NLRP5: variants seen among roughly 807,000 people sequenced by gnomAD.
The protein encoded by NLRP5 is NACHT, LRR and PYD domains-containing protein 5.
A neutral mutation model predicts 113.1 loss-of-function variants in NLRP5; 93 were observed. The observed-to-expected ratio is 0.82, with a 90% CI of 0.70 to 0.98. NLRP5 has a LOEUF of 0.98. Ranked by LOEUF, NLRP5 falls within the 50% of genes least tolerant of loss-of-function variation. NLRP5 has a pLI of 0.00. For synonymous variants in NLRP5, 751 were observed against 600.7 expected (o/e 1.25, Z -3.66); for missense variants, 1,808 against 1,514.3 (o/e 1.19, Z -3.22).
chr19:56,055,866 C>T (rs74258040), intron 13 of NLRP5, among the ~76,000 whole-genome samples: 13,307 of 152,036 alleles, frequency 0.088, 676 homozygotes, highest in East Asian at 0.19. Flanking sequence ...CTTCTAAATG[C>T]AGTGTCTCCC....
At chr19:56,013,444 A>C (rs1283816855) in intron 3 of NLRP5, among the ~76,000 whole-genome samples, 1 of 151,952 alleles carries the variant, frequency 6.6e-6, no homozygotes, top group East Asian at 1.9e-4. Flanking sequence ...TGCCCACCTC[A>C]GCCTCCCAAA....
At chr19:56,015,344 G>A (rs1039745120) in intron 3 of NLRP5, among the ~76,000 whole-genome samples, 8 of 152,054 alleles carry the variant, frequency 5.3e-5, no homozygotes, top group Non-Finnish European at 8.8e-5. Context: ...ACAGGCACAC[G>A]CCACCATGCC....
chr19:56,056,105 A>T (rs1443743791), intron 13 of NLRP5, among the ~76,000 whole-genome samples: 1 of 152,176 alleles, frequency 6.6e-6, no homozygotes, highest in Non-Finnish European at 1.5e-5. Context: ...ACAACAATTC[A>T]TTCCCTGGAG....
intron 11 of NLRP5, among the ~76,000 whole-genome samples, chr19:56,048,216 T>A (rs1354556760): frequency 6.6e-6 from 1 of 152,212 alleles, no homozygotes; most frequent in Non-Finnish European, 1.5e-5. Flanking sequence ...ACATTCAGTG[T>A]TAGGATGGAG....
At chr19:56,035,834 A>G (rs1983289984) in intron 9 of NLRP5, among the ~76,000 whole-genome samples, 1 of 152,090 alleles carries the variant, frequency 6.6e-6, no homozygotes, top group African/African-American at 2.4e-5. Flanking sequence ...ACATTGGAAG[A>G]TGGATTGGGC....
In NLRP5 at chr19:56,030,369, C is replaced by CA. The variant is rs543153122; in HGVS notation, c.2276+1872dup. On this transcript the variant is annotated intron_variant, in intron 7 of 14. Coordinates refer to ENST00000390649, the MANE Select transcript of NLRP5 (RefSeq NM_153447.4). ...TGGGTGACAGAGTGAGACTCTATCT[C>CA]AAAAAAAAAAAATTCTCACATGGAA... Among the ~76,000 whole-genome samples the CA allele has an allele frequency of 3.6e-3, 529 of 145,334 alleles. 1 individual carries two copies. The highest frequency in any genetic ancestry group is 0.016 in the South Asian group (75 of 4,600).
At chr19:56,011,602 A>G (rs28711142) in intron 3 of NLRP5, among the ~76,000 whole-genome samples, 135,822 of 152,104 alleles carry the variant, frequency 0.89, 61,182 homozygotes, top group East Asian at 0.97. Context: ...ATTTGCCCAA[A>G]GAAGATCAGC....
intron 4 of NLRP5, among the ~76,000 whole-genome samples, chr19:56,017,793 C>A (rs556238886): frequency 6.6e-6 from 1 of 152,244 alleles, no homozygotes; most frequent in South Asian, 2.1e-4. Flanking sequence ...TCACTATGTG[C>A]CTGGTCGTTT....
In NLRP5 at chr19:56,011,288, C is replaced by T. The variant is rs556960699; in HGVS notation, c.508+2435C>T. ...TCCATTCATATAAAATGTCTAGAAT[C>T]GGCAAATCCATTTAAATACTAGATT... is the stretch of plus-strand genomic sequence containing the variant. On this transcript the variant is annotated intron_variant, in intron 3 of 14. Coordinates refer to ENST00000390649, the MANE Select transcript of NLRP5 (RefSeq NM_153447.4). Among the ~76,000 whole-genome samples, 25 of 151,998 alleles carry T rather than the reference C, an allele frequency of 1.6e-4. No homozygotes were observed. The South Asian group carries it at 3.7e-3, about 23-fold the overall frequency.
At chr19:56,010,756 G>A (rs1460214998) in intron 3 of NLRP5, among the ~76,000 whole-genome samples, 437 of 9,270 alleles carry the variant, frequency 0.047, 2 homozygotes, top group Non-Finnish European at 0.065. Flanking sequence ...AAAAAAAAAA[G>A]TCCCTTGAAA....
intron 7 of NLRP5, 75 bp from the exon 8 acceptor site, chr19:56,032,536 C>T (rs778599882): frequency 1.4e-6 from 2 of 1,394,054 alleles, no homozygotes; most frequent in African/African-American, 2.8e-5. Flanking sequence ...CGGTCCCTCT[C>T]CTCCGACGTG....
intron 9 of NLRP5, 39 bp downstream of exon 9, chr19:56,033,748 T>G (rs1463409674): frequency 6.5e-7 from 1 of 1,534,308 alleles, no homozygotes; most frequent in Non-Finnish European, 8.9e-7. Context: ...TTTTTCTTCG[T>G]TTTTACTTGT....
In NLRP5 at chr19:56,031,627, C is replaced by CAA. The variant is rs36019339; in HGVS notation, c.2277-966_2277-965dup. On this transcript the variant is annotated intron_variant, in intron 7 of 14. Transcript: ENST00000390649. The stretch of plus-strand genomic sequence containing the variant: ...GCCTGGGAGATAGAGACTCCGTCTC[C>CAA]AAAAAAAAAAAAAAAAAAATGTAGA... 5.6e-3 allele frequency among the ~76,000 whole-genome samples: 630 copies of CAA among 113,116 alleles called. 4 individuals are homozygous for CAA. Among genetic ancestry groups the CAA allele is most frequent in the South Asian group, 0.01 (35 of 3,390 alleles). 74.2% of individuals were successfully genotyped at this position (113,116 alleles called of 152,430 possible).
At chr19:56,014,207 T>C (rs59528933) in intron 3 of NLRP5, among the ~76,000 whole-genome samples, 12,420 of 152,038 alleles carry the variant, frequency 0.082, 805 homozygotes, top group African/African-American at 0.17. Context: ...CCCAGCTGGG[T>C]ACGGTGGCTT....
At chr19:56,042,930 A>T (rs1983574524) in intron 11 of NLRP5, among the ~76,000 whole-genome samples, 1 of 150,798 alleles carries the variant, frequency 6.6e-6, no homozygotes, top group Non-Finnish European at 1.5e-5. Flanking sequence ...CTGTTAATTC[A>T]TTCCTTTTTA....
Position 56,027,029 on chromosome 19 carries a change from T to G in NLRP5, c.796T>G (p.Leu266Val). Residue 266 changes from leucine (L) to valine (V), a missense_variant, in exon 7 of 15, where the codon TTG (leucine) becomes GTG (valine). Leu to Val is a conservative substitution (Grantham distance 32). Transcript: ENST00000390649. Reference sequence around the variant, plus strand: ...TGCTGACTGGCCGGAAATGCAAACGTTGGCTGGTGCTTTTGATTCAGACCG... The same window carrying G: ...TGCTGACTGGCCGGAAATGCAAACGGTGGCTGGTGCTTTTGATTCAGACCG... 1 of 1,552,362 alleles carries G rather than the reference T, an allele frequency of 6.4e-7. No homozygotes were observed. Among genetic ancestry groups the G allele is most frequent in the Non-Finnish European group, 8.7e-7 (1 of 1,147,380 alleles).
Position 56,027,148 on chromosome 19 carries a change from A to G in NLRP5, c.915A>G (p.Gln305=). 1 of 1,602,190 alleles carries G rather than the reference A, an allele frequency of 6.2e-7. No individual in the cohort carries two copies. Among genetic ancestry groups the G allele is most frequent in the East Asian group, 2.3e-5 (1 of 44,408 alleles). ...GAAGGATCGTGCTGTGCTGGGCGCAAGGTGGACTCTACCAGGGAATGTTCT... is the reference window on the plus strand; with the variant it reads ...GAAGGATCGTGCTGTGCTGGGCGCAGGGTGGACTCTACCAGGGAATGTTCT... The change falls in exon 7 of 15, where the codon CAA becomes CAG. Residue 305 remains glutamine (Q), a synonymous_variant. Transcript: ENST00000390649.
chr19:56,011,158 A>AATATATATAT (rs1555764999), intron 3 of NLRP5, among the ~76,000 whole-genome samples: 2,434 of 145,198 alleles, frequency 0.017, 59 homozygotes, highest in African/African-American at 0.056. Flanking sequence ...GTCTTTAAAA[A>AATATATATAT]ATATATATAC....
At chr19:56,008,883 A>T in intron 3 of NLRP5, 30 bp downstream of exon 3, 1 of 1,595,846 alleles carries the variant, frequency 6.3e-7, no homozygotes, top group South Asian at 1.1e-5. Flanking sequence ...GGGAAATAGG[A>T]TGTGCTTAAA....
Sources: allele counts gnomAD v4.1 joint callset (sites outside exome capture counted in the v4.1 genomes callset), GRCh38; gene constraint gnomAD v4.1.1; transcripts MANE v1.5; gene names NCBI Gene and HGNC (gene_info 2026-07-23, HGNC 2026-07-21).